The following TDRD1 variants were observed in gnomAD, a reference collection of about 807,000 sequenced individuals.
TDRD1 encodes the protein tudor domain containing 1.
A neutral mutation model predicts 140.6 loss-of-function variants in TDRD1; 37 were observed. The ratio of observed to expected loss-of-function variants is 0.26; its 90% confidence interval spans 0.20 to 0.35. The LOEUF (loss-of-function observed/expected upper bound fraction) is 0.35. Among genes scored for constraint, TDRD1 ranks in the 10% least tolerant of loss-of-function variants. TDRD1 has a pLI of 1.00. For synonymous variants in TDRD1, 506 were observed against 475.7 expected, an observed-to-expected ratio of 1.06 and a Z score of -0.83; for missense variants, 1,243 against 1,393.0, an observed-to-expected ratio of 0.89 and a Z score of 1.71.
At chr10:114,207,972 G>A (rs1403916526) in intron 11 of TDRD1, among the ~76,000 whole-genome samples, 1 of 152,094 alleles carries the variant, frequency 6.6e-6, no homozygotes, top group African/African-American at 2.4e-5. Flanking sequence ...AAGCAGGTGG[G>A]AGGGTACCTA....
In TDRD1 at chr10:114,210,723, C is replaced by G. The variant is rs1221168340; in HGVS notation, c.1527C>G (p.Phe509Leu). 1.2e-6 allele frequency: 2 copies of G among 1,610,908 alleles called. No homozygotes were observed. The highest frequency in any genetic ancestry group is 1.7e-5 in the Admixed American group (1 of 59,922). The change falls in exon 12 of 26, where the codon TTC becomes TTG. Residue 509 changes from phenylalanine (F) to leucine (L), a missense_variant. Coordinates refer to ENST00000251864, the Ensembl canonical transcript of TDRD1. ...CCCACATTCAAACACCAGAAGACTTCTTTTGTCAACAACTGCAAAGTGGCC... is the reference window on the plus strand; with the variant it reads ...CCCACATTCAAACACCAGAAGACTTGTTTTGTCAACAACTGCAAAGTGGCC...
chr10:114,194,760 T>G (rs573164143), intron 3 of TDRD1, among the ~76,000 whole-genome samples: 1 of 145,372 alleles, frequency 6.9e-6, no homozygotes, highest in Non-Finnish European at 1.5e-5. Context: ...GGTTGTTGGT[T>G]TTTTTTTTTT....
chr10:114,202,160 A>G (rs189601444), intron 5 of TDRD1, 78 bp from the exon 6 acceptor site: 4 of 1,124,716 alleles, frequency 3.6e-6, no homozygotes, highest in Non-Finnish European at 5.1e-6. Context: ...TTCATTGAGA[A>G]TACCATAATT....
chr10:114,218,354 G>A (rs1421317988), intron 17 of TDRD1, 60 bp from the exon 18 acceptor site: 5 of 1,222,748 alleles, frequency 4.1e-6, no homozygotes, highest in Non-Finnish European at 4.3e-6. Context: ...TTCAAGATAA[G>A]TATTTCAAGT....
chr10:114,188,892 A>C (rs557949449), intron 2 of TDRD1, among the ~76,000 whole-genome samples: 2 of 152,052 alleles, frequency 1.3e-5, no homozygotes, highest in East Asian at 3.9e-4. Context: ...AAAAAAAAAA[A>C]AAACCTTTCT....
chr10:114,204,836 G>T lies in TDRD1; in HGVS notation c.1240G>T (p.Asp414Tyr). 1 of 1,597,394 alleles carries T rather than the reference G, an allele frequency of 6.3e-7. No homozygotes were observed. The highest frequency in any genetic ancestry group is 8.5e-7 in the Non-Finnish European group (1 of 1,174,398). ...GCAGTACTGCTCCATAAAGATTGTC[G>T]ACATCTTGGAAGAGGAAGTGGTTAC... Residue 414 changes from aspartate to tyrosine, a missense_variant, in exon 10 of 26, where the codon GAC becomes TAC. Asp to Tyr is a radical substitution (Grantham distance 160). This residue lies in a region of TDRD1 where 392 missense variants were observed against 394.1 expected (regional missense o/e 0.99). Coordinates refer to ENST00000251864, the Ensembl canonical transcript of TDRD1.
chr10:114,213,421 T>A (rs1234279078), exon 15 of TDRD1: 1 of 1,613,910 alleles, frequency 6.2e-7, no homozygotes, highest in Non-Finnish European at 8.5e-7. Flanking sequence ...AACAAAATAA[T>A]CACAGTGAAA....
intron 1 of TDRD1, among the ~76,000 whole-genome samples, chr10:114,185,279 T>C (rs758330438): frequency 1.3e-5 from 2 of 152,228 alleles, no homozygotes; most frequent in Non-Finnish European, 2.9e-5. Flanking sequence ...GACCTCTGAC[T>C]CCTGGGTTCA....
exon 10 of TDRD1, chr10:114,204,828 A>G (rs1400865992): frequency 6.2e-7 from 1 of 1,600,394 alleles, no homozygotes; most frequent in Non-Finnish European, 8.5e-7. Context: ...TGCTCCATAA[A>G]GATTGTCGAC....
chr10:114,187,725 T>C (rs2033645601), intron 1 of TDRD1, 101 bp from the exon 2 acceptor site: 3 of 1,093,166 alleles, frequency 2.7e-6, no homozygotes, highest in Non-Finnish European at 2.6e-6. Flanking sequence ...TTATAGGCAT[T>C]ATCTGTTACG....
At chr10:114,175,497 T>G (rs1363106418), upstream of TDRD1, among the ~76,000 whole-genome samples, 1 of 152,142 alleles carries the variant, frequency 6.6e-6, no homozygotes, top group Non-Finnish European at 1.5e-5. Flanking sequence ...AAAAAAGGTG[T>G]GTCCACTGAA....
intron 3 of TDRD1, among the ~76,000 whole-genome samples, chr10:114,193,289 C>CTTTTTTTTT (rs1170053036): frequency 1.2e-5 from 1 of 83,684 alleles, no homozygotes; most frequent in Non-Finnish European, 2.3e-5. Context: ...TTGCTGAAGT[C>CTTTTTTTTT]TTTTTTTTTT....
In TDRD1 at chr10:114,198,916, G is replaced by A. The variant is rs2034549846; in HGVS notation, c.385-257G>A. Among the ~76,000 whole-genome samples, 2 of 152,072 alleles carry A rather than the reference G, an allele frequency of 1.3e-5. 1 individual carries two copies. The highest frequency in any genetic ancestry group is 4.1e-4 in the South Asian group (2 of 4,824). On this transcript the variant is annotated intron_variant, in intron 3 of 25. Transcript: ENST00000251864. ...CAGCACCCAGTCTGGTATATATGAGGCAAAAAGAAAACCCAGACATCTTAT... is the reference window on the plus strand; with the variant it reads ...CAGCACCCAGTCTGGTATATATGAGACAAAAAGAAAACCCAGACATCTTAT...
At chr10:114,204,733 C>T in exon 10 of TDRD1, 1 of 1,587,784 alleles carries the variant, frequency 6.3e-7, no homozygotes, top group Non-Finnish European at 8.5e-7. Flanking sequence ...CCATAAAGTG[C>T]TTTGTAGCCA....
chr10:114,228,258 A>C (rs1281119825), intron 25 of TDRD1: 1 of 1,434,320 alleles, frequency 7.0e-7, no homozygotes, highest in African/African-American at 1.4e-5. Context: ...TAATGACCTG[A>C]GGTTTGGTCA....
chr10:114,218,950 T>C (rs1470506567), intron 18 of TDRD1, among the ~76,000 whole-genome samples: 1 of 152,160 alleles, frequency 6.6e-6, no homozygotes, highest in Non-Finnish European at 1.5e-5. Context: ...CCACTGATAA[T>C]AATGGCAAAA....
chr10:114,221,038 A>G (rs1367291811), intron 19 of TDRD1, among the ~76,000 whole-genome samples, 195 bp downstream of exon 19: 1 of 152,228 alleles, frequency 6.6e-6, no homozygotes, highest in African/African-American at 2.4e-5. Flanking sequence ...ATAAACATAT[A>G]CAGAGATATC....
chr10:114,229,144 C>T (rs1045807035), intron 25 of TDRD1, among the ~76,000 whole-genome samples: 2 of 152,094 alleles, frequency 1.3e-5, no homozygotes, highest in Non-Finnish European at 2.9e-5. Flanking sequence ...AGTTGTCTCT[C>T]CTCACCACTT....
chr10:114,218,577 G>A, exon 18 of TDRD1: 1 of 1,601,602 alleles, frequency 6.2e-7, no homozygotes, highest in South Asian at 1.1e-5. Flanking sequence ...TACGGTGCCA[G>A]TTAGCAGGTA....
Sources: allele counts gnomAD v4.1 joint callset (sites outside exome capture counted in the v4.1 genomes callset), GRCh38; gene constraint gnomAD v4.1.1; regional missense constraint gnomAD v4.1.1; transcripts MANE v1.5; gene names NCBI Gene and HGNC (gene_info 2026-07-23, HGNC 2026-07-21).